Variants in SUGCT observed in about 807,000 individuals in gnomAD.
SUGCT encodes the protein succinyl-CoA:glutarate-CoA transferase, also known as succinyl-CoA:glutarate CoA-transferase.
SUGCT carries 41 observed loss-of-function variants against 55.0 expected under a neutral mutation model. The ratio of observed to expected loss-of-function variants is 0.74; its 90% CI spans 0.58 to 0.97. SUGCT has a LOEUF of 0.97. SUGCT is among the 50% of genes least tolerant of loss of function. The probability of loss-of-function intolerance (pLI) is 0.00; values close to 1 mark genes in which losing one functional copy is unlikely to be tolerated. For synonymous variants in SUGCT, 187 were observed against 200.4 expected (o/e 0.93, Z 0.56); for missense variants, 568 against 547.8 (o/e 1.04, Z -0.37).
intron 13 of SUGCT, among the ~76,000 whole-genome samples, chr7:40,814,092 T>A (rs1210471442): frequency 6.6e-6 from 1 of 152,194 alleles, no homozygotes; most frequent in Non-Finnish European, 1.5e-5. Flanking sequence ...ACTGTTAGCC[T>A]GATGGGGCTC....
At chr7:40,766,063 C>T (rs1788771327) in intron 13 of SUGCT, among the ~76,000 whole-genome samples, 1 of 152,170 alleles carries the variant, frequency 6.6e-6, no homozygotes, top group Admixed American at 6.5e-5. Context: ...CAACAGAACT[C>T]TGTTGTAATA....
intron 13 of SUGCT, among the ~76,000 whole-genome samples, chr7:40,763,518 C>T (rs1227896135): frequency 1.3e-5 from 2 of 152,128 alleles, no homozygotes. Flanking sequence ...ATGAAGCACT[C>T]CTGAGAGTGA....
chr7:40,135,168 G>T (rs1420064896), intron 1 of SUGCT, 48 bp downstream of exon 1: 1 of 1,513,024 alleles, frequency 6.6e-7, no homozygotes, highest in South Asian at 1.2e-5. Flanking sequence ...CCCTGCCCCA[G>T]CTTGCCTCCT....
At chr7:40,676,821 A>G (rs1275306415) in intron 12 of SUGCT, among the ~76,000 whole-genome samples, 3 of 151,702 alleles carry the variant, frequency 2.0e-5, no homozygotes, top group Admixed American at 1.3e-4. Flanking sequence ...TGTGTTTTGA[A>G]GTTTACTATT....
chr7:40,417,782 T>C lies in SUGCT; in HGVS notation c.817-31505T>C, dbSNP rs149102878. Among the ~76,000 whole-genome samples the C allele has an allele frequency of 7.2e-5, 11 of 151,962 alleles. 1 individual carries two copies. The East Asian group carries it at 2.1e-3, about 29-fold the overall frequency. Reference sequence around the variant, plus strand: ...ATGTGCTTACATATTTTTAATGTACTAGCTGTATGGTATTTTGAAACATGG... The same window carrying C: ...ATGTGCTTACATATTTTTAATGTACCAGCTGTATGGTATTTTGAAACATGG... On this transcript the variant is annotated intron_variant, in intron 9 of 13. Coordinates refer to ENST00000335693, the MANE Select transcript of SUGCT (RefSeq NM_001193313.2).
the SUGCT span, among the ~76,000 whole-genome samples, chr7:40,867,503 G>A: frequency 6.6e-6 from 1 of 152,016 alleles, no homozygotes; most frequent in Non-Finnish European, 1.5e-5. Context: ...AAGTATGAGA[G>A]ATGTCTAGAA....
At chr7:40,374,090 C>T (rs556929012) in intron 9 of SUGCT, among the ~76,000 whole-genome samples, 60 of 152,176 alleles carry the variant, frequency 3.9e-4, no homozygotes, top group Non-Finnish European at 7.6e-4. Flanking sequence ...ATGCACAATA[C>T]TAACTGTATG....
At chr7:40,350,220 C>T (rs993642894) in intron 9 of SUGCT, among the ~76,000 whole-genome samples, 3 of 151,096 alleles carry the variant, frequency 2.0e-5, no homozygotes, top group African/African-American at 7.3e-5. Flanking sequence ...GTACTTATTA[C>T]AATTTGATTT....
At chr7:40,869,000 A>C in the SUGCT span, among the ~76,000 whole-genome samples, 1 of 152,260 alleles carries the variant, frequency 6.6e-6, no homozygotes, top group African/African-American at 2.4e-5. Context: ...CATTATGTAA[A>C]CTGGAAAATT....
At chr7:41,006,237 C>A in the SUGCT span, among the ~76,000 whole-genome samples, 2 of 152,138 alleles carry the variant, frequency 1.3e-5, no homozygotes, top group Non-Finnish European at 2.9e-5. Flanking sequence ...GCTTTTATTG[C>A]CAACCATAGA....
intron 13 of SUGCT, among the ~76,000 whole-genome samples, chr7:40,771,693 C>T (rs1431618800): frequency 6.6e-6 from 1 of 151,942 alleles, no homozygotes; most frequent in Non-Finnish European, 1.5e-5. Context: ...TTATCATCTA[C>T]TGAAGAAGTG....
At chr7:40,651,270 T>A (rs1247090430) in intron 12 of SUGCT, among the ~76,000 whole-genome samples, 1 of 152,232 alleles carries the variant, frequency 6.6e-6, no homozygotes, top group African/African-American at 2.4e-5. Context: ...TCTTGGCTTC[T>A]TAATAATCAC....
chr7:40,504,349 T>G (rs1792466739), intron 12 of SUGCT, among the ~76,000 whole-genome samples: 1 of 152,212 alleles, frequency 6.6e-6, no homozygotes, highest in Non-Finnish European at 1.5e-5. Context: ...CTCACTATGT[T>G]GCCCAGGCTG....
At chr7:40,750,496 A>T (rs1787955783) in intron 13 of SUGCT, among the ~76,000 whole-genome samples, 1 of 152,210 alleles carries the variant, frequency 6.6e-6, no homozygotes, top group African/African-American at 2.4e-5. Context: ...CACCTCAGTC[A>T]GGTGGCATAG....
At chr7:40,353,157 A>T (rs1317463640) in intron 9 of SUGCT, among the ~76,000 whole-genome samples, 1 of 152,180 alleles carries the variant, frequency 6.6e-6, no homozygotes, top group African/African-American at 2.4e-5. Context: ...AAGATACAGG[A>T]TGCAACAACA....
intron 12 of SUGCT, among the ~76,000 whole-genome samples, chr7:40,600,676 A>G (rs1238159724): frequency 6.6e-6 from 1 of 151,958 alleles, no homozygotes; most frequent in Non-Finnish European, 1.5e-5. Context: ...TTTTTTCTTG[A>G]TCAAGGGGAC....
intron 12 of SUGCT, among the ~76,000 whole-genome samples, chr7:40,679,870 A>G (rs1354117487): frequency 2.0e-5 from 3 of 152,180 alleles, no homozygotes; most frequent in South Asian, 2.1e-4. Flanking sequence ...TGAGAATTTC[A>G]TATCCAGTCT....
intron 11 of SUGCT, among the ~76,000 whole-genome samples, chr7:40,488,917 A>G (rs971870609): frequency 1.3e-5 from 2 of 152,072 alleles, no homozygotes; most frequent in African/African-American, 4.8e-5. Flanking sequence ...GATATTTGAC[A>G]GTTTGATTAT....
chr7:40,336,383 A>G (rs868569530), intron 9 of SUGCT, among the ~76,000 whole-genome samples: 8 of 152,102 alleles, frequency 5.3e-5, no homozygotes, highest in Middle Eastern at 3.4e-3. Context: ...AGTCCTGGAC[A>G]TTTTTTGGTT....
Sources: allele counts gnomAD v4.1 joint callset (sites outside exome capture counted in the v4.1 genomes callset), GRCh38; gene constraint gnomAD v4.1.1; transcripts MANE v1.5; gene names NCBI Gene and HGNC (gene_info 2026-07-23, HGNC 2026-07-21).